PCCA: variants seen among roughly 807,000 people sequenced by gnomAD.
PCCA encodes propionyl-CoA carboxylase alpha chain, mitochondrial.
Under a neutral mutation model 101.3 loss-of-function variants are expected in PCCA, and 74 were observed. That is an observed-to-expected ratio of 0.73 (90% CI 0.61 to 0.89). PCCA has a LOEUF of 0.89. Among genes scored for constraint, PCCA ranks in the 40% least tolerant of loss-of-function variants. The probability of loss-of-function intolerance (pLI) is 0.00; values close to 1 mark genes in which losing one functional copy is unlikely to be tolerated. For missense variants in PCCA, 891 were observed against 907.0 expected, an observed-to-expected ratio of 0.98 and a Z score of 0.23; for synonymous variants, 294 against 313.6, an observed-to-expected ratio of 0.94 and a Z score of 0.66.
intron 7 of PCCA, among the ~76,000 whole-genome samples, chr13:100,226,213 T>TTA (rs1351604973): frequency 6.6e-6 from 1 of 152,212 alleles, no homozygotes; most frequent in East Asian, 1.9e-4. Context: ...CTGCTTTACT[T>TTA]TATATATGAA....
At chr13:100,173,884 A>G (rs1266918307) in intron 6 of PCCA, among the ~76,000 whole-genome samples, 1 of 152,198 alleles carries the variant, frequency 6.6e-6, no homozygotes, top group Non-Finnish European at 1.5e-5. Context: ...TCCCCTGCAC[A>G]AGCTCTCTTG....
intron 20 of PCCA, among the ~76,000 whole-genome samples, chr13:100,438,889 T>C (rs1252902752): frequency 6.6e-6 from 1 of 152,184 alleles, no homozygotes. Flanking sequence ...TAAAAATTAC[T>C]AATGTGATAC....
chr13:100,400,628 TTC>T (rs1377605555), intron 19 of PCCA, among the ~76,000 whole-genome samples: 1,823 of 88,728 alleles, frequency 0.021, 174 homozygotes, highest in African/African-American at 0.1. Context: ...TTCTTTTTAG[TTC>T]TTTTTTTTTT....
chr13:100,486,548 A>G (rs774534010), intron 21 of PCCA, among the ~76,000 whole-genome samples: 28 of 152,254 alleles, frequency 1.8e-4, no homozygotes, highest in Non-Finnish European at 2.5e-4. Context: ...GAAAGATGCA[A>G]TATGAACTAT....
At chr13:100,227,183 G>T (rs1271695111) in intron 7 of PCCA, among the ~76,000 whole-genome samples, 3 of 151,910 alleles carry the variant, frequency 2.0e-5, no homozygotes, top group Non-Finnish European at 4.4e-5. Flanking sequence ...CACCATATTG[G>T]CCAGGCTGGT....
At chr13:100,301,837 TC>T (rs1283068274) in intron 13 of PCCA, among the ~76,000 whole-genome samples, 2 of 152,228 alleles carry the variant, frequency 1.3e-5, no homozygotes, top group African/African-American at 4.8e-5. Context: ...TAGCTACCAA[TC>T]CTTTAAGAGG....
At chr13:100,260,379 T>TTTTG (rs1555397103) in intron 9 of PCCA, among the ~76,000 whole-genome samples, 1 of 135,506 alleles carries the variant, frequency 7.4e-6, no homozygotes, top group Non-Finnish European at 1.6e-5. Context: ...AGCAAATTAG[T>TTTTG]TGTGTGTGTG....
chr13:100,398,521 G>C (rs2077164204), intron 19 of PCCA, among the ~76,000 whole-genome samples: 1 of 152,124 alleles, frequency 6.6e-6, no homozygotes, highest in African/African-American at 2.4e-5. Flanking sequence ...ATTTTGCTTA[G>C]ATCTCTTGAT....
At chr13:100,286,086 G>T (rs183989994) in intron 12 of PCCA, among the ~76,000 whole-genome samples, 21 of 150,434 alleles carry the variant, frequency 1.4e-4, no homozygotes, top group Admixed American at 3.3e-4. Flanking sequence ...GCATGTGTGT[G>T]GGGGGGAAGC....
chr13:100,366,391 C>T (rs1218859977), intron 18 of PCCA, among the ~76,000 whole-genome samples: 1 of 152,108 alleles, frequency 6.6e-6, no homozygotes, highest in African/African-American at 2.4e-5. Flanking sequence ...GTAGACACTC[C>T]TCACAGTCTT....
Position 100,393,771 on chromosome 13 carries a change from A to C in PCCA, c.1746+25197A>C, listed in dbSNP as rs372276883. On this transcript the variant is annotated intron_variant, in intron 19 of 23. Transcript: ENST00000376285. Reference sequence around the variant, plus strand: ...TCCTGGTTTTGTTTATAAGGAAAAAAAGTTAATGGTGCAACTAGGACTAAT... The same window carrying C: ...TCCTGGTTTTGTTTATAAGGAAAAACAGTTAATGGTGCAACTAGGACTAAT... Among the ~76,000 whole-genome samples the C allele has an allele frequency of 1.1e-3, 165 of 152,286 alleles. 6 individuals carry two copies. The South Asian group carries it at 0.031, about 29-fold the overall frequency.
chr13:100,162,304 T>C (rs1386021191), intron 6 of PCCA, among the ~76,000 whole-genome samples: 1 of 152,230 alleles, frequency 6.6e-6, no homozygotes, highest in Non-Finnish European at 1.5e-5. Flanking sequence ...TTAATCTTTA[T>C]GACAACTTAT....
intron 6 of PCCA, among the ~76,000 whole-genome samples, chr13:100,204,419 C>T (rs981227320): frequency 3.3e-5 from 5 of 152,318 alleles, no homozygotes; most frequent in Admixed American, 2.0e-4. Flanking sequence ...AGATTACAGG[C>T]GTGACCCACT....
intron 20 of PCCA, among the ~76,000 whole-genome samples, chr13:100,429,765 C>A (rs2079405817): frequency 6.6e-6 from 1 of 151,838 alleles, no homozygotes; most frequent in Admixed American, 6.6e-5. Context: ...CACTACCATG[C>A]CTCGCTAATT....
chr13:100,214,920 C>T (rs534588641), intron 7 of PCCA, among the ~76,000 whole-genome samples: 3 of 152,230 alleles, frequency 2.0e-5, no homozygotes, highest in South Asian at 2.1e-4. Flanking sequence ...CAGATTTGAT[C>T]GTATGCCTAT....
At chr13:100,419,399 G>C (rs1402662803) in intron 19 of PCCA, among the ~76,000 whole-genome samples, 2 of 151,984 alleles carry the variant, frequency 1.3e-5, no homozygotes, top group Non-Finnish European at 2.9e-5. Context: ...GTGAACCTGG[G>C]AGGCGGAGGC....
At chr13:100,224,907 TAGAA>T (rs2060062495) in intron 7 of PCCA, among the ~76,000 whole-genome samples, 2 of 152,130 alleles carry the variant, frequency 1.3e-5, no homozygotes, top group Admixed American at 6.5e-5. Context: ...GGGCTGCAGT[TAGAA>T]AGGGAGCTAG....
chr13:100,365,772 A>G (rs765745685), intron 18 of PCCA, among the ~76,000 whole-genome samples: 59 of 152,336 alleles, frequency 3.9e-4, no homozygotes, highest in Middle Eastern at 3.4e-3. Context: ...TATAGCATGT[A>G]TACACCTAAT....
At chr13:100,269,444 G>A (rs1241120608) in intron 11 of PCCA, among the ~76,000 whole-genome samples, 27 of 152,132 alleles carry the variant, frequency 1.8e-4, no homozygotes, top group Non-Finnish European at 1.5e-4. Flanking sequence ...GGTTCATAAA[G>A]TTGGTCCTGA....
Sources: allele counts gnomAD v4.1 joint callset (sites outside exome capture counted in the v4.1 genomes callset), GRCh38; gene constraint gnomAD v4.1.1; transcripts MANE v1.5; gene names NCBI Gene and HGNC (gene_info 2026-07-23, HGNC 2026-07-21).